The following CHST11 variants were observed in gnomAD, a reference collection of about 807,000 sequenced individuals.
CHST11 encodes the protein C4S-1.
CHST11 carries 9 observed loss-of-function variants against 30.4 expected under a neutral mutation model. That is an observed-to-expected ratio of 0.30 (90% CI 0.18 to 0.52). The LOEUF (loss-of-function observed/expected upper bound fraction) is 0.52, where lower values mean the gene tolerates loss of function less well. Among genes scored for constraint, CHST11 ranks in the 20% least tolerant of loss-of-function variants. The pLI, the probability that CHST11 is intolerant of heterozygous loss-of-function variation, is 0.97. For synonymous variants in CHST11, 152 were observed against 187.8 expected, an observed-to-expected ratio of 0.81 and a Z score of 1.56; for missense variants, 348 against 460.6, an observed-to-expected ratio of 0.76 and a Z score of 2.24.
In CHST11 at chr12:104,514,469, G is replaced by A. The variant is rs2038001388; in HGVS notation, c.118+56940G>A. 14 of 748,022 alleles carry A rather than the reference G, an allele frequency of 1.9e-5. No individual in the cohort carries two copies. In the South Asian group the frequency reaches 2.0e-4, roughly 11 times the overall value. The allele number at this position is 748,022 out of a possible 1,614,324, so 46.3% of individuals were successfully genotyped here. Reference sequence around the variant, plus strand: ...CTGTGGGGGTCACCTGCCTGTCCCTGCTGCTACGACTCCATACCATTACTG... The same window carrying A: ...CTGTGGGGGTCACCTGCCTGTCCCTACTGCTACGACTCCATACCATTACTG... On this transcript the variant is annotated intron_variant, in intron 1 of 2. Transcript: ENST00000303694.
chr12:104,508,627 C>T (rs2037932074), intron 1 of CHST11, among the ~76,000 whole-genome samples: 1 of 152,148 alleles, frequency 6.6e-6, no homozygotes, highest in South Asian at 2.1e-4. Context: ...TAAAGGAAAT[C>T]TTGACCATTT....
chr12:104,635,835 C>T (rs1423430990), intron 2 of CHST11, among the ~76,000 whole-genome samples: 5 of 152,082 alleles, frequency 3.3e-5, no homozygotes, highest in African/African-American at 7.2e-5. Flanking sequence ...TCACCAGACC[C>T]CAGTATGTAC....
At chr12:104,751,188 G>A in intron 2 of CHST11, among the ~76,000 whole-genome samples, 1 of 152,190 alleles carries the variant, frequency 6.6e-6, no homozygotes, top group East Asian at 1.9e-4. Flanking sequence ...GTATTAACTG[G>A]CATGCTACCT....
chr12:104,715,087 G>A (rs150151445), intron 2 of CHST11, among the ~76,000 whole-genome samples: 166 of 152,166 alleles, frequency 1.1e-3, no homozygotes, highest in Middle Eastern at 3.4e-3. Flanking sequence ...AAGACAGGCC[G>A]GGCATGGTGG....
chr12:104,586,532 G>A (rs1650137), intron 1 of CHST11, among the ~76,000 whole-genome samples: 36,757 of 152,184 alleles, frequency 0.24, 4,653 homozygotes, highest in East Asian at 0.4. Flanking sequence ...TTAAATAAAG[G>A]TTACCTGGAC....
chr12:104,701,330 A>G lies in CHST11; in HGVS notation c.205-55619A>G, dbSNP rs535942453. ...TTTGATGTATCTGAAAATCTGTTTC[A>G]TAATAAGACATCTCTTATACTCAAT... is the stretch of plus-strand genomic sequence containing the variant. On this transcript the variant is annotated intron_variant, in intron 2 of 2. Coordinates refer to ENST00000303694, the MANE Select transcript of CHST11 (RefSeq NM_018413.6). 2.6e-3 allele frequency among the ~76,000 whole-genome samples: 402 copies of G among 152,332 alleles called. 2 individuals carry two copies. The highest frequency in any genetic ancestry group is 7.0e-3 in the African/African-American group (291 of 41,578).
chr12:104,529,519 T>C (rs1733741407), intron 1 of CHST11, among the ~76,000 whole-genome samples: 1 of 152,320 alleles, frequency 6.6e-6, no homozygotes, highest in South Asian at 2.1e-4. Flanking sequence ...AGATGTAAAT[T>C]GATTTCTCCG....
At chr12:104,482,654 C>G (rs2037638244) in intron 1 of CHST11, among the ~76,000 whole-genome samples, 2 of 152,058 alleles carry the variant, frequency 1.3e-5, no homozygotes, top group South Asian at 4.1e-4. Context: ...TTATGGAGGA[C>G]CTAGTGTGTG....
At chr12:104,703,142 G>A (rs1008315554) in intron 2 of CHST11, among the ~76,000 whole-genome samples, 11 of 152,340 alleles carry the variant, frequency 7.2e-5, no homozygotes, top group African/African-American at 2.4e-4. Context: ...TCTGCTTCCT[G>A]CTGCATCCCC....
intron 1 of CHST11, among the ~76,000 whole-genome samples, chr12:104,472,760 G>A (rs980094532): frequency 6.6e-6 from 1 of 152,154 alleles, no homozygotes; most frequent in Non-Finnish European, 1.5e-5. Flanking sequence ...AAAGGGAGAG[G>A]AGGGTGATTG....
At chr12:104,509,202 A>G (rs1341911512) in intron 1 of CHST11, among the ~76,000 whole-genome samples, 1 of 152,160 alleles carries the variant, frequency 6.6e-6, no homozygotes, top group Non-Finnish European at 1.5e-5. Context: ...ATGGTTCTAT[A>G]AGGGGGAGTT....
intron 2 of CHST11, among the ~76,000 whole-genome samples, chr12:104,704,975 A>G (rs312136): frequency 0.73 from 110,444 of 152,092 alleles, 40,461 homozygotes; most frequent in South Asian, 0.87. Context: ...TATGTTCCGT[A>G]TGCCTTAGTG....
intron 2 of CHST11, among the ~76,000 whole-genome samples, chr12:104,648,491 T>A (rs910371125): frequency 2.0e-5 from 3 of 152,224 alleles, no homozygotes; most frequent in Admixed American, 2.0e-4. Context: ...ACTCAGAGAC[T>A]CTCATGAAGG....
intron 2 of CHST11, among the ~76,000 whole-genome samples, chr12:104,654,549 GCA>G (rs1268068686): frequency 6.6e-6 from 1 of 152,130 alleles, no homozygotes; most frequent in Non-Finnish European, 1.5e-5. Context: ...GTAATACACA[GCA>G]CAGAGTGAGA....
intron 2 of CHST11, among the ~76,000 whole-genome samples, chr12:104,749,294 A>T (rs181550246): frequency 5.9e-4 from 90 of 152,312 alleles, no homozygotes; most frequent in African/African-American, 2.0e-3. Context: ...CTCTTTTCTG[A>T]TAACTAGAGC....
intron 1 of CHST11, among the ~76,000 whole-genome samples, chr12:104,480,132 C>G (rs2037605480): frequency 6.6e-6 from 1 of 152,140 alleles, no homozygotes; most frequent in Non-Finnish European, 1.5e-5. Flanking sequence ...GCTCTGAGCC[C>G]CTGTTGAATT....
intron 1 of CHST11, among the ~76,000 whole-genome samples, chr12:104,537,678 C>T (rs2038249711): frequency 6.6e-6 from 1 of 151,272 alleles, no homozygotes. Flanking sequence ...ATCTGCTCCT[C>T]CCAGTACCTC....
At position 104,667,564 on chromosome 12, in the gene CHST11, G is replaced by A. The variant is rs116375120; in HGVS notation, c.204+65573G>A. 7.9e-3 allele frequency among the ~76,000 whole-genome samples: 1,200 copies of A among 152,252 alleles called. 21 individuals are homozygous for A. Among genetic ancestry groups the A allele is most frequent in the African/African-American group, 0.027 (1,140 of 41,528 alleles). On this transcript the variant is annotated intron_variant, in intron 2 of 2. Transcript: ENST00000303694. ...AAGTGGACACAGGATGGTTTTAGAC[G>A]AGTGGTCCTAACTTTTTCATCTGCA...
At chr12:104,747,024 G>C (rs1422385736) in intron 2 of CHST11, among the ~76,000 whole-genome samples, 1 of 152,204 alleles carries the variant, frequency 6.6e-6, no homozygotes, top group Non-Finnish European at 1.5e-5. Flanking sequence ...CTTTGCTTTA[G>C]CTTATAGCTC....
Sources: allele counts gnomAD v4.1 joint callset (sites outside exome capture counted in the v4.1 genomes callset), GRCh38; gene constraint gnomAD v4.1.1; transcripts MANE v1.5; gene names NCBI Gene and HGNC (gene_info 2026-07-23, HGNC 2026-07-21).